The following TBCEL variants were observed in gnomAD, a reference collection of about 807,000 sequenced individuals.
The protein encoded by TBCEL is tubulin folding cofactor E like.
A neutral mutation model predicts 44.2 loss-of-function variants in TBCEL; 15 were observed. That is an observed-to-expected ratio of 0.34 (90% CI 0.23 to 0.52). TBCEL has a LOEUF of 0.52. TBCEL is among the 20% of genes least tolerant of loss of function. The pLI, the probability that TBCEL is intolerant of heterozygous loss-of-function variation, is 0.95. For synonymous variants in TBCEL, 171 were observed against 185.4 expected (o/e 0.92, Z 0.63); for missense variants, 319 against 506.3 (o/e 0.63, Z 3.55).
chr11:121,054,990 A>T (rs1472602263), intron 5 of TBCEL, 62 bp from the exon 6 acceptor site: 1 of 1,380,972 alleles, frequency 7.2e-7, no homozygotes, highest in Non-Finnish European at 9.4e-7. Flanking sequence ...ATGAATGAAA[A>T]TAGGTGTAAA....
intron 4 of TBCEL, among the ~76,000 whole-genome samples, chr11:121,051,888 C>G (rs1717357498): frequency 6.6e-6 from 1 of 151,830 alleles, no homozygotes; most frequent in Admixed American, 6.6e-5. Flanking sequence ...GATTTTAGAG[C>G]TCCTGAACTC....
intron 6 of TBCEL, among the ~76,000 whole-genome samples, chr11:121,055,543 G>T (rs971083146): frequency 6.6e-6 from 1 of 151,638 alleles, no homozygotes. Context: ...ACATTAAAGG[G>T]GTCATGCTAT....
chr11:121,070,999 T>C (rs1012485135), intron 8 of TBCEL, among the ~76,000 whole-genome samples: 5 of 152,138 alleles, frequency 3.3e-5, no homozygotes, highest in African/African-American at 1.2e-4. Flanking sequence ...AGAAAACACA[T>C]CGTGAAGTTG....
intron 8 of TBCEL, among the ~76,000 whole-genome samples, chr11:121,061,165 T>A (rs529775804): frequency 6.6e-6 from 1 of 152,206 alleles, no homozygotes; most frequent in East Asian, 1.9e-4. Flanking sequence ...AGATACTACT[T>A]TATCATTTAA....
At chr11:121,070,499 T>C (rs898343447) in intron 8 of TBCEL, among the ~76,000 whole-genome samples, 1 of 152,162 alleles carries the variant, frequency 6.6e-6, no homozygotes, top group African/African-American at 2.4e-5. Flanking sequence ...GTGGCACATA[T>C]ACACCATGGA....
chr11:121,036,625 A>G lies in TBCEL; in HGVS notation c.-18+13A>G, dbSNP rs1945235838. The G allele has an allele frequency of 8.5e-5, 13 of 152,184 alleles. No homozygotes were observed. The South Asian group carries it at 2.7e-3, about 32-fold the overall frequency. 9.4% of individuals were successfully genotyped at this position (152,184 alleles called of 1,614,324 possible). On this transcript the variant is annotated intron_variant, in intron 2 of 8. Transcript: ENST00000683345. ...ATCACACAAACAGGTACTTCAGTCT[A>G]AATAGTAGTATTGTCTTAATTTTTT... is the stretch of plus-strand genomic sequence containing the variant.
Position 121,089,906 on chromosome 11 carries a change from C to T in TBCEL, c.*2810C>T, listed in dbSNP as rs931863099. 2.0e-5 allele frequency: 3 copies of T among 152,072 alleles called. No individual in the cohort carries two copies. Among genetic ancestry groups the T allele is most frequent in the African/African-American group, 7.2e-5 (3 of 41,400 alleles). The allele number at this position is 152,072 out of a possible 1,614,324, so 9.4% of individuals were successfully genotyped here. A position where few individuals can be genotyped will look rare whatever the true frequency, so the allele number is the denominator to read the frequency against. ...AGTAATAAAGAAAACCAAATCAAAA[C>T]CAAGGGATCCTTTCTACATGTGGGT... is the stretch of plus-strand genomic sequence containing the variant. On this transcript the variant is annotated 3_prime_UTR_variant, in exon 9 of 9. Transcript: ENST00000683345.
At position 121,090,605 on chromosome 11, in the gene TBCEL, T is replaced by G. The variant is rs951533165; in HGVS notation, c.*3509T>G. On this transcript the variant is annotated 3_prime_UTR_variant, in exon 9 of 9. Transcript: ENST00000683345. ...TTGTAGTGGTGGAGAGGGACTGGACTCTCTCAGGCTCTTTACTTGCCAGTT... is the reference window on the plus strand; with the variant it reads ...TTGTAGTGGTGGAGAGGGACTGGACGCTCTCAGGCTCTTTACTTGCCAGTT... The G allele has an allele frequency of 7.9e-5, 12 of 151,758 alleles. No homozygotes were observed. Among genetic ancestry groups the G allele is most frequent in the African/African-American group, 2.9e-4 (12 of 41,344 alleles). 9.4% of individuals were successfully genotyped at this position (151,758 alleles called of 1,614,324 possible).
At chr11:121,040,525 C>T (rs1945312385) in intron 2 of TBCEL, among the ~76,000 whole-genome samples, 1 of 151,948 alleles carries the variant, frequency 6.6e-6, no homozygotes, top group Non-Finnish European at 1.5e-5. Context: ...GGTTCTCAGG[C>T]TTGGATATGC....
At position 121,088,567 on chromosome 11, in the gene TBCEL, G is replaced by A. The variant is rs759758190; in HGVS notation, c.*1471G>A. The stretch of plus-strand genomic sequence containing the variant: ...TAACTGGGGCAGAAAGTGTGTAAGT[G>A]AAGTATTTTTCAAAGAATGCAGTTA... On this transcript the variant is annotated 3_prime_UTR_variant, in exon 9 of 9. Transcript: ENST00000683345. 2.0e-5 allele frequency: 3 copies of A among 152,172 alleles called. No homozygotes were observed. The highest frequency in any genetic ancestry group is 4.4e-5 in the Non-Finnish European group (3 of 68,020). The allele number at this position is 152,172 out of a possible 1,614,324, so 9.4% of individuals were successfully genotyped here.
At chr11:121,059,276 T>A (rs1164361154) in intron 7 of TBCEL, among the ~76,000 whole-genome samples, 2 of 151,998 alleles carry the variant, frequency 1.3e-5, no homozygotes, top group African/African-American at 2.4e-5. Context: ...GAGCATACTT[T>A]TCTTTGAAGA....
At chr11:121,050,702 G>T (rs1262253691) in intron 4 of TBCEL, among the ~76,000 whole-genome samples, 1 of 151,616 alleles carries the variant, frequency 6.6e-6, no homozygotes, top group Non-Finnish European at 1.5e-5. Flanking sequence ...GTAGAGAATA[G>T]CTTAGGTACA....
Position 121,054,867 on chromosome 11 carries a change from A to G in TBCEL, c.456-185A>G, listed in dbSNP as rs186087144. The G allele has an allele frequency of 2.2e-5, 11 of 497,380 alleles. No individual in the cohort carries two copies. In the Admixed American group the frequency reaches 3.6e-4, roughly 16 times the overall value. 30.8% of individuals were successfully genotyped at this position (497,380 alleles called of 1,614,324 possible). A position where few individuals can be genotyped will look rare whatever the true frequency, so the allele number is the denominator to read the frequency against. ...ATCATTCTTCGCTATTTCAGTGTGT[A>G]CTTCAGGTTTTGTCTTCCCAGCTAT... is the stretch of plus-strand genomic sequence containing the variant. On this transcript the variant is annotated intron_variant, in intron 5 of 8. Coordinates refer to ENST00000683345, the MANE Select transcript of TBCEL (RefSeq NM_001363644.2).
At chr11:121,076,707 G>T (rs1433272679) in intron 8 of TBCEL, among the ~76,000 whole-genome samples, 1 of 151,952 alleles carries the variant, frequency 6.6e-6, no homozygotes, top group East Asian at 1.9e-4. Context: ...ATCGGAATAG[G>T]AGTAGTCATG....
intron 8 of TBCEL, among the ~76,000 whole-genome samples, chr11:121,077,103 G>T (rs966875764): frequency 6.6e-5 from 10 of 151,916 alleles, no homozygotes; most frequent in African/African-American, 2.4e-4. Flanking sequence ...ATATTGGTCT[G>T]TAATTTTCTT....
intron 1 of TBCEL, among the ~76,000 whole-genome samples, chr11:121,034,327 T>C (rs1945194238): frequency 6.6e-6 from 1 of 152,178 alleles, no homozygotes; most frequent in African/African-American, 2.4e-5. Context: ...AGTACAAAAA[T>C]CATATATTCA....
chr11:121,025,709 G>C (rs1945033433), intron 1 of TBCEL, among the ~76,000 whole-genome samples: 1 of 150,574 alleles, frequency 6.6e-6, no homozygotes, highest in African/African-American at 2.5e-5. Flanking sequence ...TGATTCTAAG[G>C]AGATGGATTT....
At chr11:121,052,070 G>A (rs1385163320) in intron 4 of TBCEL, among the ~76,000 whole-genome samples, 1 of 151,762 alleles carries the variant, frequency 6.6e-6, no homozygotes, top group Non-Finnish European at 1.5e-5. Context: ...CAGTAATTAT[G>A]GTGGAACCTT....
At chr11:121,052,273 A>G (rs1364002260) in intron 4 of TBCEL, among the ~76,000 whole-genome samples, 2 of 151,986 alleles carry the variant, frequency 1.3e-5, no homozygotes, top group East Asian at 3.9e-4. Context: ...TATAGAGCTT[A>G]CATGCTAGTT....
Sources: allele counts gnomAD v4.1 joint callset (sites outside exome capture counted in the v4.1 genomes callset), GRCh38; gene constraint gnomAD v4.1.1; transcripts MANE v1.5; gene names NCBI Gene and HGNC (gene_info 2026-07-23, HGNC 2026-07-21).